The following KIF3B variants were observed in gnomAD, a reference collection of about 807,000 sequenced individuals.
KIF3B encodes kinesin-like protein KIF3B.
KIF3B carries 38 observed loss-of-function variants against 74.3 expected under a neutral mutation model. That is an observed-to-expected ratio of 0.51 (90% confidence interval 0.39 to 0.67). The LOEUF is 0.67. Among genes scored for constraint, KIF3B ranks in the 30% least tolerant of loss-of-function variants. The pLI is 0.00. For synonymous variants in KIF3B, 326 were observed against 342.5 expected (o/e 0.95, Z 0.53); for missense variants, 649 against 932.0 (o/e 0.70, Z 3.95).
intron 1 of KIF3B, among the ~76,000 whole-genome samples, chr20:32,278,949 A>C (rs2047629124): frequency 7.9e-6 from 1 of 126,474 alleles, no homozygotes; most frequent in African/African-American, 3.0e-5. Context: ...TTTGAGACAG[A>C]GTCTTAGTCT....
chr20:32,287,158 TG>T (rs1157729381), intron 1 of KIF3B, among the ~76,000 whole-genome samples: 1 of 152,178 alleles, frequency 6.6e-6, no homozygotes, highest in Non-Finnish European at 1.5e-5. Flanking sequence ...TCCATATTTT[TG>T]TACTTATTTA....
In KIF3B at chr20:32,330,303, A is replaced by G; in HGVS notation, c.2131A>G (p.Lys711Glu). Reference sequence around the variant, plus strand: ...ATCATCATTTGAAAGCACTGCAAATAAGAAATCCAAGGCCAGGTGAGTGGC... The same window carrying G: ...ATCATCATTTGAAAGCACTGCAAATGAGAAATCCAAGGCCAGGTGAGTGGC... ...DASSFESTAN[K>E]KSKARPKSGR... The change falls in exon 8 of 9, where the codon AAG becomes GAG. Residue 711 changes from lysine (K) to glutamate (E), a missense_variant. By Grantham distance (56) the Lys-to-Glu change is moderately conservative. Around this residue, in one of 4 missense-constraint regions of KIF3B, gnomAD observed 186 missense variants for 198.5 expected, o/e 0.94. Transcript: ENST00000375712. 1.2e-6 allele frequency: 2 copies of G among 1,614,072 alleles called. No homozygotes were observed. The highest frequency in any genetic ancestry group is 1.7e-6 in the Non-Finnish European group (2 of 1,179,970).
At chr20:32,329,387 T>C (rs1198316582) in intron 7 of KIF3B, among the ~76,000 whole-genome samples, 1 of 150,132 alleles carries the variant, frequency 6.7e-6, no homozygotes, top group East Asian at 2.0e-4. Flanking sequence ...TCTCACTGTG[T>C]CACCCAAGCT....
intron 5 of KIF3B, among the ~76,000 whole-genome samples, chr20:32,320,398 T>C (rs1275455739): frequency 6.6e-6 from 1 of 152,116 alleles, no homozygotes; most frequent in Non-Finnish European, 1.5e-5. Flanking sequence ...TGTATCTAGA[T>C]TTGCCTTTTC....
intron 2 of KIF3B, among the ~76,000 whole-genome samples, chr20:32,314,652 TCA>T (rs1178764204): frequency 6.6e-6 from 1 of 152,180 alleles, no homozygotes; most frequent in African/African-American, 2.4e-5. Flanking sequence ...CTCAGAGGAC[TCA>T]CTGAAAGATG....
At chr20:32,326,080 T>G (rs755166223) in intron 5 of KIF3B, among the ~76,000 whole-genome samples, 43 of 152,158 alleles carry the variant, frequency 2.8e-4, no homozygotes, top group Non-Finnish European at 5.3e-4. Flanking sequence ...CCTTTTGGCA[T>G]TGTTTTGTCC....
Position 32,329,566 on chromosome 20 carries a change from C to T in KIF3B, c.1969-575C>T, listed in dbSNP as rs200540944. Among the ~76,000 whole-genome samples the T allele has an allele frequency of 2.6e-5, 4 of 152,238 alleles. No individual in the cohort carries two copies. The East Asian group carries it at 7.7e-4, about 29-fold the overall frequency. Reference sequence around the variant, plus strand: ...ACTGCTTTCTCTAATTAAGTTTCCCCATCTTCTCTATGCATTCAGTCCTGT... The same window carrying T: ...ACTGCTTTCTCTAATTAAGTTTCCCTATCTTCTCTATGCATTCAGTCCTGT... On this transcript the variant is annotated intron_variant, in intron 7 of 8. Coordinates refer to ENST00000375712, the MANE Select transcript of KIF3B (RefSeq NM_004798.4).
At chr20:32,305,463 C>G (rs1437094722) in intron 1 of KIF3B, among the ~76,000 whole-genome samples, 2 of 152,094 alleles carry the variant, frequency 1.3e-5, no homozygotes, top group Non-Finnish European at 2.9e-5. Flanking sequence ...CCTACCCCCA[C>G]CCAAAGGACC....
chr20:32,282,067 G>A (rs1375595091), intron 1 of KIF3B, among the ~76,000 whole-genome samples: 1 of 152,148 alleles, frequency 6.6e-6, no homozygotes. Flanking sequence ...CTGGAGAAGG[G>A]ACGTGGCATG....
intron 1 of KIF3B, among the ~76,000 whole-genome samples, chr20:32,299,379 G>GTGTGTATATATATATATATATA (rs1187264463): frequency 2.2e-4 from 5 of 23,094 alleles, no homozygotes; most frequent in South Asian, 1.5e-3. Context: ...TGGTGTGTGT[G>GTGTGTATATATATATATATATA]TATATATATA....
At chr20:32,324,989 C>A (rs1385680148) in intron 5 of KIF3B, among the ~76,000 whole-genome samples, 1 of 152,066 alleles carries the variant, frequency 6.6e-6, no homozygotes, top group Non-Finnish European at 1.5e-5. Flanking sequence ...TGAGATTGCG[C>A]CACTTTACTC....
intron 1 of KIF3B, among the ~76,000 whole-genome samples, chr20:32,306,944 A>G (rs2047774717): frequency 6.6e-6 from 1 of 152,078 alleles, no homozygotes; most frequent in South Asian, 2.1e-4. Flanking sequence ...TTCCCGTGCT[A>G]AAGCTGCTAC....
chr20:32,322,943 T>TAC (rs1230701401), intron 5 of KIF3B, among the ~76,000 whole-genome samples: 20 of 62,852 alleles, frequency 3.2e-4, no homozygotes, highest in Non-Finnish European at 4.4e-4. Flanking sequence ...TTTATATATA[T>TAC]ACATATTTAT....
At chr20:32,302,423 A>T (rs1183398872) in intron 1 of KIF3B, among the ~76,000 whole-genome samples, 1 of 152,180 alleles carries the variant, frequency 6.6e-6, no homozygotes, top group Non-Finnish European at 1.5e-5. Context: ...GGTCATTATC[A>T]TTCCTTTGTT....
chr20:32,289,197 GTT>G (rs36069389), intron 1 of KIF3B, among the ~76,000 whole-genome samples: 62 of 126,832 alleles, frequency 4.9e-4, no homozygotes, highest in Admixed American at 5.9e-4. Context: ...TACTGGTCTG[GTT>G]TTTTTTTTTT....
At position 32,311,020 on chromosome 20, in the gene KIF3B, C is replaced by A. The variant is rs763853584; in HGVS notation, c.1243C>A (p.Arg415=). 5 of 1,613,108 alleles carry A rather than the reference C, an allele frequency of 3.1e-6. No individual in the cohort carries two copies. The highest frequency in any genetic ancestry group is 3.4e-6 in the Non-Finnish European group (4 of 1,179,772). ...EEGDDKDDYW[R]EQQEKLEIEK... Reference sequence around the variant, plus strand: ...AGGGGATGATAAGGATGATTACTGGCGGGAACAGCAAGAAAAACTGGAGAT... The same window carrying A: ...AGGGGATGATAAGGATGATTACTGGAGGGAACAGCAAGAAAAACTGGAGAT... Residue 415 remains arginine, a synonymous_variant, in exon 2 of 9, where the codon CGG becomes AGG. Transcript: ENST00000375712.
chr20:32,330,048 T>G, intron 7 of KIF3B, 93 bp from the exon 8 acceptor site: 1 of 1,155,642 alleles, frequency 8.7e-7, no homozygotes, highest in Non-Finnish European at 1.2e-6. Flanking sequence ...AACAAGCAAT[T>G]TGCACTTCTA....
intron 5 of KIF3B, among the ~76,000 whole-genome samples, chr20:32,319,272 T>TGTATGGTATGTGAAGTA (rs2047844805): frequency 2.0e-5 from 3 of 151,866 alleles, no homozygotes; most frequent in Non-Finnish European, 4.4e-5. Flanking sequence ...CTCCACATCC[T>TGTATGGTATGTGAAGTA]TGTCGACACT....
intron 2 of KIF3B, among the ~76,000 whole-genome samples, chr20:32,315,439 C>T (rs2047822392): frequency 6.6e-6 from 1 of 152,178 alleles, no homozygotes; most frequent in African/African-American, 2.4e-5. Flanking sequence ...GGGCGCTGTG[C>T]TCATGCCTAT....
Sources: allele counts gnomAD v4.1 joint callset (sites outside exome capture counted in the v4.1 genomes callset), GRCh38; gene constraint gnomAD v4.1.1; regional missense constraint gnomAD v4.1.1; transcripts MANE v1.5; gene names NCBI Gene and HGNC (gene_info 2026-07-23, HGNC 2026-07-21).